GNA12: variants seen among roughly 807,000 people sequenced by gnomAD.
The protein encoded by GNA12 is guanine nucleotide-binding protein subunit alpha-12.
In GNA12, 9 loss-of-function variants were observed where a neutral mutation model predicts 26.0. The observed-to-expected ratio is 0.35, with a 90% CI of 0.21 to 0.60. The LOEUF (loss-of-function observed/expected upper bound fraction) is 0.60. Ranked by LOEUF, GNA12 falls within the 20% of genes least tolerant of loss-of-function variation. The pLI is 0.78. For missense variants in GNA12, 405 were observed against 525.8 expected (o/e 0.77, Z 2.25); for synonymous variants, 264 against 219.6 (o/e 1.20, Z -1.79).
chr7:2,754,661 A>G (rs566356892), intron 2 of GNA12, among the ~76,000 whole-genome samples: 35 of 152,022 alleles, frequency 2.3e-4, no homozygotes, highest in Non-Finnish European at 3.7e-4. Flanking sequence ...GGACAAGAGG[A>G]CTGCTTGAGC....
chr7:2,814,197 C>T, intron 1 of GNA12: 1 of 667,376 alleles, frequency 1.5e-6, no homozygotes, highest in Non-Finnish European at 2.7e-6. Flanking sequence ...GTGAAATTCT[C>T]CATCATAAAT....
intron 2 of GNA12, among the ~76,000 whole-genome samples, chr7:2,776,354 C>T (rs968784364): frequency 6.6e-6 from 1 of 152,204 alleles, no homozygotes; most frequent in Non-Finnish European, 1.5e-5. Context: ...CTGCTCGGAT[C>T]TGGACACCGA....
At chr7:2,751,970 AAG>A (rs779653735) in intron 2 of GNA12, among the ~76,000 whole-genome samples, 7 of 152,234 alleles carry the variant, frequency 4.6e-5, no homozygotes, top group Non-Finnish European at 1.0e-4. Context: ...CAGAAAATCA[AAG>A]AGGAAGAAAT....
intron 2 of GNA12, among the ~76,000 whole-genome samples, chr7:2,790,184 A>C (rs1379617583): frequency 6.6e-6 from 1 of 151,896 alleles, no homozygotes; most frequent in Admixed American, 6.6e-5. Flanking sequence ...AGCACCTCTG[A>C]CCTCCTCCTG....
chr7:2,800,830 G>A (rs745881666), intron 1 of GNA12, among the ~76,000 whole-genome samples: 2 of 152,048 alleles, frequency 1.3e-5, no homozygotes, highest in South Asian at 2.1e-4. Context: ...CCTTCCTCCC[G>A]GCTCCCCCAC....
At chr7:2,767,896 C>T (rs1022163641) in intron 2 of GNA12, among the ~76,000 whole-genome samples, 1 of 152,106 alleles carries the variant, frequency 6.6e-6, no homozygotes, top group African/African-American at 2.4e-5. Flanking sequence ...ACTCTGTCAC[C>T]CGGGCTGGAG....
At chr7:2,801,646 T>C (rs1792812548) in intron 1 of GNA12, among the ~76,000 whole-genome samples, 1 of 151,980 alleles carries the variant, frequency 6.6e-6, no homozygotes, top group African/African-American at 2.4e-5. Flanking sequence ...AGTTAAGTAG[T>C]AGTTTTGTAA....
chr7:2,816,195 C>T (rs961867943), intron 1 of GNA12, among the ~76,000 whole-genome samples: 2 of 151,866 alleles, frequency 1.3e-5, no homozygotes, highest in Non-Finnish European at 2.9e-5. Context: ...ACCAGATCTT[C>T]ACGCACCCCC....
intron 1 of GNA12, among the ~76,000 whole-genome samples, chr7:2,837,190 C>T (rs1458449917): frequency 2.1e-5 from 3 of 143,224 alleles, no homozygotes; most frequent in Admixed American, 7.3e-5. Flanking sequence ...GCACCCCCAC[C>T]ACGAGGCAGA....
At chr7:2,807,687 C>T (rs1359297030) in intron 1 of GNA12, among the ~76,000 whole-genome samples, 2 of 151,590 alleles carry the variant, frequency 1.3e-5, no homozygotes, top group Non-Finnish European at 2.9e-5. Flanking sequence ...TGCGATAAGA[C>T]CAAATGGAAA....
At chr7:2,746,466 C>G (rs1790768591) in intron 2 of GNA12, among the ~76,000 whole-genome samples, 1 of 152,050 alleles carries the variant, frequency 6.6e-6, no homozygotes, top group Non-Finnish European at 1.5e-5. Context: ...TTCTTTGAAA[C>G]CAACGAGAAC....
chr7:2,789,730 C>G (rs1407373639), intron 2 of GNA12, among the ~76,000 whole-genome samples: 1 of 152,192 alleles, frequency 6.6e-6, no homozygotes, highest in Admixed American at 6.5e-5. Context: ...CAACCACGCA[C>G]AGCATCTCCC....
At position 2,802,393 on chromosome 7, in the gene GNA12, T is replaced by TGGG. The variant is rs1309537165; in HGVS notation, c.310-7253_310-7251dup. Among the ~76,000 whole-genome samples, 21 of 106,150 alleles carry TGGG rather than the reference T, an allele frequency of 2.0e-4. No individual in the cohort carries two copies. In the South Asian group the frequency reaches 6.1e-3, roughly 31 times the overall value. 69.6% of individuals were successfully genotyped at this position (106,150 alleles called of 152,430 possible). On this transcript the variant is annotated intron_variant, in intron 1 of 3. Transcript: ENST00000275364. ...CTCTGCTGGGGATGTAGATTTTTTT[T>TGGG]GGGGGGGTGGGGGGTGGGGTTCAAT...
chr7:2,843,991 C>G lies in GNA12; in HGVS notation c.171G>C (p.Leu57=). 6.3e-7 allele frequency: 1 copy of G among 1,576,918 alleles called. No homozygotes were observed. Among genetic ancestry groups the G allele is most frequent in the Non-Finnish European group, 8.6e-7 (1 of 1,163,844 alleles). Reference sequence around the variant, plus strand: ...CCGCGCCCAGCAGCAGGATCTTCACCAGGCGCCGGACCGCGCGCCGCTCGC... The same window carrying G: ...CCGCGCCCAGCAGCAGGATCTTCACGAGGCGCCGGACCGCGCGCCGCTCGC... The part of the protein sequence containing the change: ...LARERRAVRR[L]VKILLLGAGE... The change falls in exon 1 of 4, where the codon CTG becomes CTC. Residue 57 remains leucine (L), a synonymous_variant. Transcript: ENST00000275364.
chr7:2,757,524 A>G (rs1489047836), intron 2 of GNA12, among the ~76,000 whole-genome samples: 1 of 152,174 alleles, frequency 6.6e-6, no homozygotes, highest in Non-Finnish European at 1.5e-5. Flanking sequence ...GTGAGCTTGA[A>G]AAAGGATGAC....
intron 2 of GNA12, among the ~76,000 whole-genome samples, chr7:2,772,410 A>G (rs900144269): frequency 1.3e-5 from 2 of 152,142 alleles, no homozygotes; most frequent in East Asian, 1.9e-4. Context: ...AATGCAAAAA[A>G]TTAGCCGGGC....
intron 1 of GNA12, among the ~76,000 whole-genome samples, chr7:2,808,834 G>T (rs945170116): frequency 6.6e-5 from 10 of 152,140 alleles, no homozygotes; most frequent in Admixed American, 2.0e-4. Context: ...CTTATCACCC[G>T]CTTTGTTCAA....
chr7:2,843,981 G>GA lies in GNA12; in HGVS notation c.180_181insT (p.Leu61SerfsTer50). ...CCGCTCTCGCCCGCGCCCAGCAGCA[G>GA]GATCTTCACCAGGCGCCGGACCGCG... On this transcript the variant is annotated frameshift_variant, in exon 1 of 4. Transcript: ENST00000275364. LOFTEE classifies it high-confidence loss of function. 6.3e-7 allele frequency: 1 copy of GA among 1,585,784 alleles called. No homozygotes were observed. The highest frequency in any genetic ancestry group is 1.1e-5 in the South Asian group (1 of 87,540).
Position 2,741,380 on chromosome 7 carries a change from A to G in GNA12, c.526-7879T>C, listed in dbSNP as rs1790496087. 2.0e-5 allele frequency among the ~76,000 whole-genome samples: 3 copies of G among 152,068 alleles called. No homozygotes were observed. In the South Asian group the frequency reaches 6.2e-4, roughly 31 times the overall value. On this transcript the variant is annotated intron_variant, in intron 2 of 3. Coordinates refer to ENST00000275364, the MANE Select transcript of GNA12 (RefSeq NM_007353.3). ...TTAAAAAAAACCCAAAAACCTAAAT[A>G]ACAGGGCTAGGGGTGGGGAGAGCTC...
Sources: allele counts gnomAD v4.1 joint callset (sites outside exome capture counted in the v4.1 genomes callset), GRCh38; gene constraint gnomAD v4.1.1; transcripts MANE v1.5; gene names NCBI Gene and HGNC (gene_info 2026-07-23, HGNC 2026-07-21).